The following CYP20A1 variants were observed in gnomAD, a reference collection of about 807,000 sequenced individuals.
The protein encoded by CYP20A1 is cytochrome P450 family 20 subfamily A member 1.
CYP20A1 carries 61 observed loss-of-function variants against 61.4 expected under a neutral mutation model. The observed-to-expected ratio is 0.99, with a 90% confidence interval of 0.81 to 1.23. The LOEUF is 1.23. CYP20A1 is among the 50% of genes most tolerant of loss of function. The pLI, the probability that CYP20A1 is intolerant of heterozygous loss-of-function variation, is 0.00. For synonymous variants in CYP20A1, 193 were observed against 188.2 expected, an observed-to-expected ratio of 1.03 and a Z score of -0.21; for missense variants, 530 against 542.4, an observed-to-expected ratio of 0.98 and a Z score of 0.23.
At position 203,278,568 on chromosome 2, in the gene CYP20A1, C is replaced by T; in HGVS notation, c.680-5C>T. ...TTCTAAAATTATTTTGTTTTTTTCTCTAAGCCCTCATGCAACTGGAGTCTG... is the reference window on the plus strand; with the variant it reads ...TTCTAAAATTATTTTGTTTTTTTCTTTAAGCCCTCATGCAACTGGAGTCTG... On this transcript the variant is annotated splice_region_variant and splice_polypyrimidine_tract_variant and intron_variant, in intron 6 of 12. Transcript: ENST00000356079. 6.7e-7 allele frequency: 1 copy of T among 1,486,314 alleles called. No homozygotes were observed. Among genetic ancestry groups the T allele is most frequent in the Admixed American group, 2.1e-5 (1 of 47,772 alleles). 92.1% of individuals were successfully genotyped at this position (1,486,314 alleles called of 1,614,324 possible).
At chr2:203,263,057 C>T (rs931045203) in intron 4 of CYP20A1, among the ~76,000 whole-genome samples, 2 of 151,166 alleles carry the variant, frequency 1.3e-5, no homozygotes, top group Admixed American at 6.6e-5. Context: ...TGCAGTGGCG[C>T]GGCTCACTGC....
At chr2:203,273,678 T>C (rs908826683) in intron 6 of CYP20A1, among the ~76,000 whole-genome samples, 1 of 152,032 alleles carries the variant, frequency 6.6e-6, no homozygotes, top group South Asian at 2.1e-4. Flanking sequence ...GTGCGGTAGC[T>C]CACACCTGCA....
At chr2:203,296,701 C>T in intron 12 of CYP20A1, 57 bp from the exon 13 acceptor site, 2 of 1,539,092 alleles carry the variant, frequency 1.3e-6, no homozygotes, top group South Asian at 1.3e-5. Context: ...GCAGAACGTG[C>T]AGGTTTAAAG....
chr2:203,258,334 G>T lies in CYP20A1; in HGVS notation c.432+6225G>T, dbSNP rs2067000700. Among the ~76,000 whole-genome samples, 2 of 151,296 alleles carry T rather than the reference G, an allele frequency of 1.3e-5. 1 individual carries two copies. The highest frequency in any genetic ancestry group is 4.2e-4 in the South Asian group (2 of 4,790). ...CAAGGGTATTGTGAGTGATAATTGT[G>T]CCTGTGAATAGCCCCTGCACTCCTG... On this transcript the variant is annotated intron_variant, in intron 4 of 12. Coordinates refer to ENST00000356079, the MANE Select transcript of CYP20A1 (RefSeq NM_177538.3).
chr2:203,257,044 T>G (rs757499483), intron 4 of CYP20A1, among the ~76,000 whole-genome samples: 3 of 152,034 alleles, frequency 2.0e-5, no homozygotes, highest in African/African-American at 7.2e-5. Flanking sequence ...TTTTTAAAAT[T>G]TTCACATACA....
Position 203,302,683 on chromosome 2 carries a change from T to A in CYP20A1, c.*5775T>A, listed in dbSNP as rs2069066844. Reference sequence around the variant, plus strand: ...TGTCACTCTGAATGTAGGCACAGATTTTTGTCATTCTTTATCTTTTTTGTG... The same window carrying A: ...TGTCACTCTGAATGTAGGCACAGATATTTGTCATTCTTTATCTTTTTTGTG... On this transcript the variant is annotated 3_prime_UTR_variant, in exon 13 of 13. Coordinates refer to ENST00000356079, the MANE Select transcript of CYP20A1 (RefSeq NM_177538.3). 6.6e-6 allele frequency among the ~76,000 whole-genome samples: 1 copy of A among 152,136 alleles called. No homozygotes were observed.
At chr2:203,287,116 G>A (rs2068305187) in intron 9 of CYP20A1, among the ~76,000 whole-genome samples, 1 of 150,564 alleles carries the variant, frequency 6.6e-6, no homozygotes. Flanking sequence ...CTACTCAGGA[G>A]GCTGATATAG....
intron 3 of CYP20A1, among the ~76,000 whole-genome samples, chr2:203,248,341 C>T (rs2066534112): frequency 6.6e-6 from 1 of 152,152 alleles, no homozygotes. Flanking sequence ...CGAGACCAGC[C>T]TGGCCAACAT....
intron 2 of CYP20A1, among the ~76,000 whole-genome samples, chr2:203,246,227 A>G (rs1363426866): frequency 6.6e-6 from 1 of 152,184 alleles, no homozygotes; most frequent in African/African-American, 2.4e-5. Flanking sequence ...TTTTTAGATC[A>G]CTCATCTTAT....
rs540481887 is a variant in CYP20A1, at chr2:203,270,457, GC to G, written c.601-2210del. Among the ~76,000 whole-genome samples the G allele has an allele frequency of 5.3e-3, 800 of 152,032 alleles. 7 individuals are homozygous for G. The highest frequency in any genetic ancestry group is 6.2e-3 in the Non-Finnish European group (419 of 67,984). The stretch of plus-strand genomic sequence containing the variant: ...GCCTCCCAAATAGCTGGGATTTTAG[GC>G]CCACCTGGCTGTTTTGCCTATATTT... On this transcript the variant is annotated intron_variant, in intron 5 of 12. Transcript: ENST00000356079.
chr2:203,261,459 C>T (rs1298583834), intron 4 of CYP20A1, among the ~76,000 whole-genome samples: 1 of 148,648 alleles, frequency 6.7e-6, no homozygotes, highest in Non-Finnish European at 1.5e-5. Context: ...TCCAGCTACT[C>T]AGGAGGCAAG....
intron 5 of CYP20A1, among the ~76,000 whole-genome samples, chr2:203,267,457 C>G (rs780094473): frequency 2.6e-5 from 4 of 151,716 alleles, no homozygotes; most frequent in Non-Finnish European, 4.4e-5. Context: ...TTGCCTGAAC[C>G]CAGGTGGCAG....
chr2:203,264,187 G>A (rs10207899), intron 4 of CYP20A1, among the ~76,000 whole-genome samples: 140,878 of 152,000 alleles, frequency 0.93, 65,553 homozygotes, highest in Non-Finnish European at 0.96. Context: ...AGGTATCACT[G>A]TGTTGCCCAG....
rs1234093074 is a variant in CYP20A1, at chr2:203,239,047, C to A, written c.-16C>A. 1 of 1,612,986 alleles carries A rather than the reference C, an allele frequency of 6.2e-7. No individual in the cohort carries two copies. On this transcript the variant is annotated 5_prime_UTR_variant, in exon 1 of 13. Coordinates refer to ENST00000356079, the MANE Select transcript of CYP20A1 (RefSeq NM_177538.3). ...GAGCGGCCGATCCGAGACGTGGCTC[C>A]CTGGGCGGCAGAACCATGTTGGACT... is the stretch of plus-strand genomic sequence containing the variant.
Position 203,256,755 on chromosome 2 carries a change from A to G in CYP20A1, c.432+4646A>G, listed in dbSNP as rs76031211. 1.9e-3 allele frequency among the ~76,000 whole-genome samples: 294 copies of G among 152,320 alleles called. 1 individual carries two copies. Among genetic ancestry groups the G allele is most frequent in the African/African-American group, 6.6e-3 (275 of 41,572 alleles). On this transcript the variant is annotated intron_variant, in intron 4 of 12. Coordinates refer to ENST00000356079, the MANE Select transcript of CYP20A1 (RefSeq NM_177538.3). ...ACTATTTTATTTTGATTACTGCTGT[A>G]TACTTGGCTCTTGTTATAGAGCAGG... is the stretch of plus-strand genomic sequence containing the variant.
intron 4 of CYP20A1, chr2:203,259,925 A>G (rs1431015614): frequency 6.7e-6 from 1 of 149,580 alleles, no homozygotes; most frequent in East Asian, 2.1e-4. Flanking sequence ...GATTACAGGC[A>G]TATCTTTTTA....
chr2:203,271,265 T>C lies in CYP20A1; in HGVS notation c.601-1405T>C, dbSNP rs544056773. On this transcript the variant is annotated intron_variant, in intron 5 of 12. Transcript: ENST00000356079. ...ACCACGCCCGGCTAATTTTTTTGTA[T>C]TTTTAGTACAGATGGGGTTTCACCA... Among the ~76,000 whole-genome samples, 7 of 150,370 alleles carry C rather than the reference T, an allele frequency of 4.7e-5. No homozygotes were observed. The East Asian group carries it at 1.4e-3, about 30-fold the overall frequency.
chr2:203,279,962 C>A, intron 7 of CYP20A1, 97 bp from the exon 8 acceptor site: 2 of 715,994 alleles, frequency 2.8e-6, no homozygotes, highest in Non-Finnish European at 4.2e-6. Flanking sequence ...CTTTTTTTTT[C>A]ATTGACACTA....
At chr2:203,247,309 A>C (rs909526600) in intron 3 of CYP20A1, among the ~76,000 whole-genome samples, 1 of 152,110 alleles carries the variant, frequency 6.6e-6, no homozygotes, top group Non-Finnish European at 1.5e-5. Flanking sequence ...GTATATATAT[A>C]TTGTTCTTGG....
Sources: allele counts gnomAD v4.1 joint callset (sites outside exome capture counted in the v4.1 genomes callset), GRCh38; gene constraint gnomAD v4.1.1; transcripts MANE v1.5; gene names NCBI Gene and HGNC (gene_info 2026-07-23, HGNC 2026-07-21).